Variants in ABCG5 observed in about 807,000 individuals in gnomAD.
ABCG5 encodes ATP-binding cassette sub-family G member 5.
ABCG5 carries 64 observed loss-of-function variants against 64.5 expected under a neutral mutation model. The ratio of observed to expected loss-of-function variants is 0.99; its 90% CI spans 0.81 to 1.22. The LOEUF (loss-of-function observed/expected upper bound fraction) is 1.22. ABCG5 is among the 50% of genes most tolerant of loss of function. ABCG5 has a pLI of 0.00. For synonymous variants in ABCG5, 385 were observed against 326.3 expected, an observed-to-expected ratio of 1.18 and a Z score of -1.94; for missense variants, 908 against 829.5, an observed-to-expected ratio of 1.09 and a Z score of -1.16.
At chr2:43,806,858 C>G in the ABCG5 span, among the ~76,000 whole-genome samples, 3 of 152,074 alleles carry the variant, frequency 2.0e-5, no homozygotes, top group African/African-American at 7.2e-5. Context: ...TATCTCACTG[C>G]CAGCAGATCA....
At chr2:43,816,712 T>G (rs549974272) in intron 11 of ABCG5, among the ~76,000 whole-genome samples, 73 of 152,282 alleles carry the variant, frequency 4.8e-4, no homozygotes, top group South Asian at 1.7e-3. Flanking sequence ...CCCACCTAAT[T>G]CATATTATGT....
chr2:43,808,350 G>T (rs955071299), downstream of ABCG5, among the ~76,000 whole-genome samples: 1 of 151,806 alleles, frequency 6.6e-6, no homozygotes, highest in South Asian at 2.1e-4. Context: ...GTAACTTAGG[G>T]TATAGGTATG....
rs115059480 is a variant in ABCG5 at position 43,814,118 on chromosome 2, G to A, written c.1762+359C>T. Among the ~76,000 whole-genome samples, 823 of 152,226 alleles carry A rather than the reference G, an allele frequency of 5.4e-3. 8 individuals carry two copies. Among genetic ancestry groups the A allele is most frequent in the African/African-American group, 0.019 (776 of 41,526 alleles). ...GCCAAAAGTAGCTTTATTTAGCTATGTACGATGTACATTTTGGGGAACAAG... is the reference window on the plus strand; with the variant it reads ...GCCAAAAGTAGCTTTATTTAGCTATATACGATGTACATTTTGGGGAACAAG... On this transcript the variant is annotated intron_variant, in intron 12 of 12. Transcript: ENST00000405322.
At chr2:43,832,934 T>C (rs1668039593) in intron 2 of ABCG5, among the ~76,000 whole-genome samples, 1 of 152,072 alleles carries the variant, frequency 6.6e-6, no homozygotes, top group African/African-American at 2.4e-5. Context: ...CTCAGCCTCC[T>C]GAGTAGCTGG....
At chr2:43,839,216 G>A (rs1042626374), upstream of ABCG5, 18 of 1,297,464 alleles carry the variant, frequency 1.4e-5, no homozygotes, top group South Asian at 3.9e-5. Flanking sequence ...AGCACCACCC[G>A]GACATCAAGC....
chr2:43,821,596 C>T (rs557308320), intron 10 of ABCG5, among the ~76,000 whole-genome samples: 2 of 152,294 alleles, frequency 1.3e-5, no homozygotes, highest in Non-Finnish European at 2.9e-5. Context: ...GGACCCTATT[C>T]TCCCTTAAGC....
At chr2:43,825,441 C>A (rs903460206) in intron 6 of ABCG5, among the ~76,000 whole-genome samples, 2 of 152,072 alleles carry the variant, frequency 1.3e-5, no homozygotes, top group African/African-American at 4.8e-5. Flanking sequence ...TAATAGCTAA[C>A]TAAAGGGATA....
rs975922485 is a variant in ABCG5, at chr2:43,822,473, C to T, written c.1463+324G>A. On this transcript the variant is annotated intron_variant, in intron 10 of 12. Coordinates refer to ENST00000405322, the MANE Select transcript of ABCG5 (RefSeq NM_022436.3). ...ACATTCAGGCTGCTTTCTCCCCTCC[C>T]CCAGGCCCCCCCCCATGCACCTGGG... 2.7e-5 allele frequency: 18 copies of T among 671,862 alleles called. 1 individual carries two copies. The African/African-American group carries it at 3.2e-4, about 12-fold the overall frequency. 41.6% of individuals were successfully genotyped at this position (671,862 alleles called of 1,614,324 possible). A position where few individuals can be genotyped will look rare whatever the true frequency, so the allele number is the denominator to read the frequency against.
chr2:43,834,872 G>A (rs779231592), intron 2 of ABCG5, among the ~76,000 whole-genome samples: 9 of 152,174 alleles, frequency 5.9e-5, no homozygotes, highest in African/African-American at 1.2e-4. Flanking sequence ...GACTTTGAAC[G>A]TATATGTCAT....
intron 11 of ABCG5, among the ~76,000 whole-genome samples, chr2:43,819,322 C>A (rs1320433915): frequency 1.3e-5 from 2 of 151,622 alleles, no homozygotes; most frequent in African/African-American, 4.8e-5. Flanking sequence ...TGATACTTGT[C>A]CATTACAGAA....
chr2:43,822,350 C>T (rs1235243796), intron 10 of ABCG5, among the ~76,000 whole-genome samples: 1 of 152,146 alleles, frequency 6.6e-6, no homozygotes, highest in Non-Finnish European at 1.5e-5. Context: ...TGATGCTGCC[C>T]AATCCTGCTT....
At chr2:43,829,891 A>G (rs4148178) in intron 4 of ABCG5, among the ~76,000 whole-genome samples, 56,419 of 152,154 alleles carry the variant, frequency 0.37, 11,321 homozygotes, top group East Asian at 0.82. Context: ...GACCCACCCA[A>G]AGAATGGACA....
rs1235689767 is a variant in ABCG5, at chr2:43,838,428, A to G, written c.143+109T>C. 1 of 1,081,378 alleles carries G rather than the reference A, an allele frequency of 9.2e-7. No homozygotes were observed. Among genetic ancestry groups the G allele is most frequent in the Non-Finnish European group, 1.3e-6 (1 of 741,810 alleles). 67.0% of individuals were successfully genotyped at this position (1,081,378 alleles called of 1,614,324 possible). ...TCTCCACCCGATCCACTAAAGAGGG[A>G]GCCCGAAGTGCCCAGACTGGCACTT... is the stretch of plus-strand genomic sequence containing the variant. On this transcript the variant is annotated intron_variant, in intron 1 of 12. Coordinates refer to ENST00000405322, the MANE Select transcript of ABCG5 (RefSeq NM_022436.3). This position sits in a 1 kb window ranked among gnomAD's most constrained non-coding sequence, Gnocchi z 4.2.
At chr2:43,837,259 G>A (rs1027675445) in intron 2 of ABCG5, among the ~76,000 whole-genome samples, 9 of 150,638 alleles carry the variant, frequency 6.0e-5, no homozygotes, top group African/African-American at 2.0e-4. Flanking sequence ...AGCTGGGACC[G>A]CAGACATGCA....
chr2:43,818,324 A>C (rs994543609), intron 11 of ABCG5, among the ~76,000 whole-genome samples: 1 of 152,144 alleles, frequency 6.6e-6, no homozygotes, highest in African/African-American at 2.4e-5. Context: ...CACACCTGTA[A>C]TCCCAGCTAT....
upstream of ABCG5, chr2:43,839,099 ACTC>A: frequency 3.2e-6 from 5 of 1,551,122 alleles, no homozygotes; most frequent in Non-Finnish European, 4.4e-6. Context: ...GAAAGGGGCC[ACTC>A]CCCAGGATAC....
At chr2:43,818,853 A>T (rs1199552517) in intron 11 of ABCG5, among the ~76,000 whole-genome samples, 1 of 152,146 alleles carries the variant, frequency 6.6e-6, no homozygotes, top group African/African-American at 2.4e-5. Context: ...CCCTTGAGGC[A>T]GGTGGGGCTG....
chr2:43,825,143 A>T, intron 6 of ABCG5, 125 bp from the exon 7 acceptor site: 1 of 1,195,426 alleles, frequency 8.4e-7, no homozygotes, highest in African/African-American at 1.5e-5. Flanking sequence ...TCCTTATGGG[A>T]AATGCATTTC....
At chr2:43,827,260 G>C (rs1387296280) in intron 5 of ABCG5, among the ~76,000 whole-genome samples, 12 of 151,596 alleles carry the variant, frequency 7.9e-5, no homozygotes, top group Admixed American at 6.6e-4. Flanking sequence ...GGGAGGTGGA[G>C]GTTGCAGTGA....
Sources: allele counts gnomAD v4.1 joint callset (sites outside exome capture counted in the v4.1 genomes callset), GRCh38; gene constraint gnomAD v4.1.1; non-coding constraint Gnocchi (gnomAD v3.1); transcripts MANE v1.5; gene names NCBI Gene and HGNC (gene_info 2026-07-23, HGNC 2026-07-21).